RLF: variants seen among roughly 807,000 people sequenced by gnomAD.
RLF encodes zinc finger protein Rlf.
RLF carries 7 observed loss-of-function variants against 162.9 expected under a neutral mutation model. That is an observed-to-expected ratio of 0.04 (90% CI 0.02 to 0.08). The LOEUF (loss-of-function observed/expected upper bound fraction) is 0.08, where lower values mean the gene tolerates loss of function less well. Among genes scored for constraint, RLF ranks in the 10% least tolerant of loss-of-function variants. RLF has a pLI of 1.00. For synonymous variants in RLF, 782 were observed against 791.5 expected, an observed-to-expected ratio of 0.99 and a Z score of 0.20; for missense variants, 1,664 against 2,244.7, an observed-to-expected ratio of 0.74 and a Z score of 5.23.
Position 40,239,625 on chromosome 1 carries a change from C to T in RLF, c.4923C>T (p.Cys1641=). The change falls in exon 8 of 8, where the codon TGC becomes TGT. Residue 1641 remains cysteine, a synonymous_variant. Transcript: ENST00000372771. ...DSSAPIQNTD[C]CHSSERDGGQ... ...GTGCACCCATCCAGAACACTGATTG[C>T]TGTCATTCAAGTGAAAGGGATGGAG... is the stretch of plus-strand genomic sequence containing the variant. The T allele has an allele frequency of 6.2e-7, 1 of 1,614,150 alleles. No individual in the cohort carries two copies. Among genetic ancestry groups the T allele is most frequent in the African/African-American group, 1.3e-5 (1 of 75,050 alleles).
chr1:40,208,816 C>T (rs1269915737), intron 5 of RLF, among the ~76,000 whole-genome samples: 1 of 151,980 alleles, frequency 6.6e-6, no homozygotes, highest in Non-Finnish European at 1.5e-5. Context: ...GACCCTGTCT[C>T]AAAAACAAAA....
At chr1:40,190,169 A>T (rs1642536897) in intron 2 of RLF, among the ~76,000 whole-genome samples, 1 of 152,104 alleles carries the variant, frequency 6.6e-6, no homozygotes, top group South Asian at 2.1e-4. Context: ...TTTTAGAGAG[A>T]TGTTGATTCA....
chr1:40,193,455 G>T (rs1642588056), intron 3 of RLF, among the ~76,000 whole-genome samples: 1 of 152,120 alleles, frequency 6.6e-6, no homozygotes, highest in Non-Finnish European at 1.5e-5. Flanking sequence ...TGCATATCAT[G>T]GTGGGTGGTA....
At chr1:40,221,917 A>AAAAAAAAAAAG (rs1486982312) in intron 5 of RLF, among the ~76,000 whole-genome samples, 9 of 150,372 alleles carry the variant, frequency 6.0e-5, no homozygotes, top group African/African-American at 1.2e-4. Flanking sequence ...AAAAAAAAAA[A>AAAAAAAAAAAG]AGAGAAAGGA....
intron 1 of RLF, among the ~76,000 whole-genome samples, chr1:40,170,367 G>A (rs1045049871): frequency 6.6e-6 from 1 of 152,042 alleles, no homozygotes; most frequent in Non-Finnish European, 1.5e-5. Context: ...GGCTTAGGCA[G>A]TTGTCCCAAC....
At chr1:40,191,319 C>G (rs1318641482) in intron 3 of RLF, among the ~76,000 whole-genome samples, 1 of 152,194 alleles carries the variant, frequency 6.6e-6, no homozygotes, top group African/African-American at 2.4e-5. Context: ...AAGTGGATCA[C>G]CTGAGGTCAG....
At chr1:40,201,662 C>T (rs906082511) in intron 4 of RLF, among the ~76,000 whole-genome samples, 93 of 150,876 alleles carry the variant, frequency 6.2e-4, no homozygotes, top group Non-Finnish European at 5.0e-4. Context: ...AGGGCTCATC[C>T]AGAGCACTGT....
At chr1:40,168,216 A>G (rs1420722791) in intron 1 of RLF, among the ~76,000 whole-genome samples, 2 of 152,046 alleles carry the variant, frequency 1.3e-5, no homozygotes, top group East Asian at 1.9e-4. Context: ...CCTTGTCTCA[A>G]TAAATAAATA....
chr1:40,190,973 C>A, intron 3 of RLF, 120 bp downstream of exon 3: 1 of 496,654 alleles, frequency 2.0e-6, no homozygotes, highest in South Asian at 4.4e-5. Context: ...GATATTAGGT[C>A]ATGAAATGAT....
intron 2 of RLF, among the ~76,000 whole-genome samples, 177 bp downstream of exon 2, chr1:40,189,386 AGC>A (rs1309765151): frequency 6.6e-6 from 1 of 152,200 alleles, no homozygotes; most frequent in Non-Finnish European, 1.5e-5. Context: ...GTGAAGCTCC[AGC>A]CAAGCAACAT....
Position 40,239,724 on chromosome 1 carries a change from T to G in RLF, c.5022T>G (p.Cys1674Trp). The change falls in exon 8 of 8, where the codon TGT becomes TGG. Residue 1674 changes from cysteine to tryptophan, a missense_variant. Coordinates refer to ENST00000372771, the MANE Select transcript of RLF (RefSeq NM_012421.4). ...DTLLYRGTLK[C>W]NHSSKTTSLE... ...TGCTCTACAGGGGAACTTTGAAATG[T>G]AATCATAGTTCCAAAACCACTTCCC... 6.2e-7 allele frequency: 1 copy of G among 1,614,120 alleles called. No homozygotes were observed. Among genetic ancestry groups the G allele is most frequent in the African/African-American group, 1.3e-5 (1 of 75,036 alleles).
chr1:40,218,383 T>C (rs1002203600), intron 5 of RLF, among the ~76,000 whole-genome samples: 3 of 152,240 alleles, frequency 2.0e-5, no homozygotes, highest in South Asian at 4.1e-4. Context: ...CATGCAAAAC[T>C]GCACAACTCT....
chr1:40,194,302 G>T (rs1032998437), intron 3 of RLF, among the ~76,000 whole-genome samples: 13 of 152,148 alleles, frequency 8.5e-5, no homozygotes, highest in Non-Finnish European at 1.3e-4. Context: ...GGCAGCCTGT[G>T]TGAATACTGC....
At chr1:40,186,108 A>T (rs59720867) in intron 1 of RLF, among the ~76,000 whole-genome samples, 1 of 151,976 alleles carries the variant, frequency 6.6e-6, no homozygotes, top group African/African-American at 2.4e-5. Context: ...CAGTGAGCCG[A>T]GATTTCACCA....
At chr1:40,202,297 A>G in intron 4 of RLF, 115 bp from the exon 5 acceptor site, 1 of 679,728 alleles carries the variant, frequency 1.5e-6, no homozygotes, top group Non-Finnish European at 2.4e-6. Flanking sequence ...TCATTTATAT[A>G]AACTAAATTT....
At chr1:40,211,829 C>T (rs1187646657) in intron 5 of RLF, among the ~76,000 whole-genome samples, 1 of 152,146 alleles carries the variant, frequency 6.6e-6, no homozygotes, top group East Asian at 1.9e-4. Flanking sequence ...ACCGTTTCTA[C>T]TGGTGACCAG....
intron 1 of RLF, among the ~76,000 whole-genome samples, chr1:40,171,962 A>G (rs945549929): frequency 2.0e-5 from 3 of 152,158 alleles, no homozygotes; most frequent in African/African-American, 4.8e-5. Flanking sequence ...GTGTACATAT[A>G]TATGTACTAT....
At chr1:40,222,325 A>G (rs1420304961) in intron 5 of RLF, among the ~76,000 whole-genome samples, 1 of 152,194 alleles carries the variant, frequency 6.6e-6, no homozygotes, top group African/African-American at 2.4e-5. Flanking sequence ...TATGGTAGCA[A>G]TGTTCGTAAT....
chr1:40,192,913 T>C (rs1257080641), intron 3 of RLF, among the ~76,000 whole-genome samples: 1 of 152,170 alleles, frequency 6.6e-6, no homozygotes, highest in Non-Finnish European at 1.5e-5. Context: ...CTGCAAATGA[T>C]TTTTTAATGA....
Sources: gnomAD v4.1 joint callset for allele counts (sites outside exome capture counted in the v4.1 genomes callset) on GRCh38, gnomAD v4.1.1 for gene constraint, MANE v1.5 for transcripts, NCBI Gene and HGNC (gene_info 2026-07-23, HGNC 2026-07-21) for gene names.